The following SPATA13 variants were observed in gnomAD, a reference collection of about 807,000 sequenced individuals.
The protein encoded by SPATA13 is spermatogenesis-associated protein 13.
Under a neutral mutation model 104.0 loss-of-function variants are expected in SPATA13, and 50 were observed. That is an observed-to-expected ratio of 0.48 (90% CI 0.38 to 0.61). SPATA13 has a LOEUF of 0.61. Ranked by LOEUF, SPATA13 falls within the 20% of genes least tolerant of loss-of-function variation. The pLI is 0.00. For synonymous variants in SPATA13, 606 were observed against 667.5 expected (o/e 0.91, Z 1.42); for missense variants, 1,524 against 1,690.6 (o/e 0.90, Z 1.73).
intron 3 of SPATA13, among the ~76,000 whole-genome samples, chr13:24,143,072 C>T (rs1454931156): frequency 2.0e-5 from 3 of 152,202 alleles, no homozygotes; most frequent in Admixed American, 6.5e-5. Context: ...AAGCACCTGC[C>T]GGGCAGCAGG....
intron 1 of SPATA13, among the ~76,000 whole-genome samples, chr13:24,191,366 C>T (rs1054320613): frequency 1.3e-5 from 2 of 152,052 alleles, no homozygotes; most frequent in Admixed American, 1.3e-4. Flanking sequence ...ATAACTTTTA[C>T]ATGCATTGGG....
intron 3 of SPATA13, among the ~76,000 whole-genome samples, chr13:24,043,472 T>G (rs9553150): frequency 8.2e-6 from 1 of 121,478 alleles, no homozygotes; most frequent in East Asian, 2.0e-4. Context: ...TGGACCTTGA[T>G]TGATATTACA....
chr13:24,063,651 G>A (rs1593307307), intron 3 of SPATA13, among the ~76,000 whole-genome samples: 1 of 152,126 alleles, frequency 6.6e-6, no homozygotes, highest in East Asian at 1.9e-4. Flanking sequence ...CTCAAGTGGG[G>A]GCGGCTCCTT....
intron 3 of SPATA13, among the ~76,000 whole-genome samples, chr13:24,040,286 G>A (rs143295987): frequency 2.0e-5 from 3 of 152,320 alleles, no homozygotes; most frequent in South Asian, 4.1e-4. Flanking sequence ...CAAAGGCCCC[G>A]TGTGTCTCAC....
At chr13:24,037,364 TAAAA>T (rs916144606) in intron 3 of SPATA13, among the ~76,000 whole-genome samples, 1 of 148,018 alleles carries the variant, frequency 6.8e-6, no homozygotes, top group Admixed American at 6.8e-5. Flanking sequence ...TTAAAAAAAT[TAAAA>T]AAAAAAGAAA....
At chr13:24,275,173 T>A (rs1329581899) in intron 4 of SPATA13, among the ~76,000 whole-genome samples, 1 of 152,130 alleles carries the variant, frequency 6.6e-6, no homozygotes, top group Non-Finnish European at 1.5e-5. Context: ...TGGCCAGGGC[T>A]GAAAATGGGG....
intron 3 of SPATA13, among the ~76,000 whole-genome samples, chr13:24,027,851 C>G (rs1566077851): frequency 6.6e-6 from 1 of 150,666 alleles, no homozygotes; most frequent in Non-Finnish European, 1.5e-5. Context: ...TCAGGAGTGC[C>G]CTTCCTGCCT....
chr13:24,115,779 A>T (rs1415650051), intron 3 of SPATA13, among the ~76,000 whole-genome samples: 1 of 152,224 alleles, frequency 6.6e-6, no homozygotes, highest in Non-Finnish European at 1.5e-5. Context: ...GGCCGTATTC[A>T]TCTGCAAGCT....
rs75295615 is a variant in SPATA13, at chr13:24,118,281, C to A, written c.-112+100580C>A. 4.3e-3 allele frequency among the ~76,000 whole-genome samples: 652 copies of A among 152,188 alleles called. 12 individuals are homozygous for A. The East Asian group carries it at 0.07, about 16-fold the overall frequency. The stretch of plus-strand genomic sequence containing the variant: ...CTCTTTTTACCAACAGGGGTCTAAT[C>A]CCTAATTTATAGATAAGTTATTTCT... On this transcript the variant is annotated intron_variant, in intron 3 of 14. Transcript: ENST00000424834.
intron 2 of SPATA13, among the ~76,000 whole-genome samples, chr13:24,012,339 C>G (rs1876507678): frequency 6.6e-6 from 1 of 152,224 alleles, no homozygotes. Context: ...TCTCTTCTAT[C>G]TTGGTCAAGG....
At chr13:24,122,220 G>A in intron 3 of SPATA13, 1 of 1,435,494 alleles carries the variant, frequency 7.0e-7, no homozygotes, top group Non-Finnish European at 9.8e-7. Flanking sequence ...TGTTTTCTTT[G>A]TTCTTCAGAA....
chr13:24,165,541 C>T (rs1430302290), intron 1 of SPATA13, among the ~76,000 whole-genome samples: 2 of 152,176 alleles, frequency 1.3e-5, no homozygotes, highest in African/African-American at 2.4e-5. Flanking sequence ...ACCCAGTCTC[C>T]TGCCCTCTTC....
intron 1 of SPATA13, among the ~76,000 whole-genome samples, chr13:24,221,235 T>C (rs190980074): frequency 5.3e-5 from 8 of 152,294 alleles, no homozygotes; most frequent in Admixed American, 1.3e-4. Context: ...TCTGGTTGTC[T>C]GAAAAATGCA....
At chr13:24,050,446 C>T (rs777644979) in intron 3 of SPATA13, among the ~76,000 whole-genome samples, 35 of 152,088 alleles carry the variant, frequency 2.3e-4, no homozygotes, top group Non-Finnish European at 5.0e-4. Context: ...AAAAACAGCA[C>T]GGATGGGCTG....
At chr13:24,263,935 T>C (rs993309212) in intron 4 of SPATA13, among the ~76,000 whole-genome samples, 2 of 152,226 alleles carry the variant, frequency 1.3e-5, no homozygotes, top group African/African-American at 4.8e-5. Context: ...ATTTAGAAAT[T>C]ATGAAAGGCT....
At chr13:24,241,434 C>T (rs1872826409) in intron 2 of SPATA13, among the ~76,000 whole-genome samples, 1 of 152,264 alleles carries the variant, frequency 6.6e-6, no homozygotes, top group Admixed American at 6.5e-5. Context: ...GACGGCATTA[C>T]TCAGCGAAAC....
chr13:24,251,543 C>A lies in SPATA13; in HGVS notation c.2020-175C>A, dbSNP rs1873479926. On this transcript the variant is annotated intron_variant, in intron 3 of 12. Coordinates refer to ENST00000382108, the MANE Select transcript of SPATA13 (RefSeq NM_001166271.3). ...GTAAGCTGATCAGGATTGTTAAAAACTGTAGCATCATGAGTTGCCACTGGG... is the reference window on the plus strand; with the variant it reads ...GTAAGCTGATCAGGATTGTTAAAAAATGTAGCATCATGAGTTGCCACTGGG... The A allele has an allele frequency of 3.0e-6, 3 of 985,360 alleles. No homozygotes were observed. In the South Asian group the frequency reaches 1.4e-4, roughly 46 times the overall value. 61.0% of individuals were successfully genotyped at this position (985,360 alleles called of 1,614,324 possible).
intron 3 of SPATA13, among the ~76,000 whole-genome samples, chr13:24,121,868 C>A (rs111763992): frequency 6.6e-6 from 1 of 152,126 alleles, no homozygotes; most frequent in Non-Finnish European, 1.5e-5. Context: ...CCATCCCCCT[C>A]GATCCCCCAA....
intron 3 of SPATA13, among the ~76,000 whole-genome samples, chr13:24,139,796 G>A (rs563775192): frequency 3.9e-5 from 6 of 152,130 alleles, no homozygotes; most frequent in Non-Finnish European, 7.3e-5. Flanking sequence ...GGCCGGGCGC[G>A]GTGGCTCACG....
Sources: allele counts gnomAD v4.1 joint callset (sites outside exome capture counted in the v4.1 genomes callset), GRCh38; gene constraint gnomAD v4.1.1; transcripts MANE v1.5; gene names NCBI Gene and HGNC (gene_info 2026-07-23, HGNC 2026-07-21).